The following MCF2L variants were observed in gnomAD, a reference collection of about 807,000 sequenced individuals.
The protein encoded by MCF2L is MCF.2 cell line derived transforming sequence like, also known as guanine nucleotide exchange factor DBS.
MCF2L carries 97 observed loss-of-function variants against 153.4 expected under a neutral mutation model. That is an observed-to-expected ratio of 0.63 (90% CI 0.54 to 0.75). The LOEUF (loss-of-function observed/expected upper bound fraction) is 0.75, where lower values mean the gene tolerates loss of function less well. Among genes scored for constraint, MCF2L ranks in the 30% least tolerant of loss-of-function variants. The probability of loss-of-function intolerance (pLI) is 0.00; values close to 1 mark genes in which losing one functional copy is unlikely to be tolerated. For missense variants in MCF2L, 1,347 were observed against 1,495.2 expected (o/e 0.90, Z 1.64); for synonymous variants, 659 against 632.2 (o/e 1.04, Z -0.64).
At chr13:113,063,805 C>A (rs1013226133) in intron 5 of MCF2L, 2 of 438,898 alleles carry the variant, frequency 4.6e-6, no homozygotes, top group Non-Finnish European at 9.2e-6. Context: ...CGGACACACA[C>A]GTGTCAACAA....
intron 2 of MCF2L, among the ~76,000 whole-genome samples, chr13:112,906,155 G>C (rs1373504251): frequency 6.6e-6 from 1 of 152,118 alleles, no homozygotes; most frequent in African/African-American, 2.4e-5. Flanking sequence ...TTTCCTTCAG[G>C]CTTCTTCATT....
intron 2 of MCF2L, among the ~76,000 whole-genome samples, chr13:112,949,127 A>G (rs756133980): frequency 6.6e-6 from 1 of 152,284 alleles, no homozygotes; most frequent in Non-Finnish European, 1.5e-5. Flanking sequence ...ACAACTGTAT[A>G]CACATTAATT....
intron 2 of MCF2L, among the ~76,000 whole-genome samples, chr13:112,940,829 C>A (rs896298199): frequency 3.3e-5 from 5 of 152,124 alleles, no homozygotes; most frequent in African/African-American, 1.2e-4. Context: ...AAAATCACAT[C>A]TTCATGGGCT....
chr13:113,050,973 C>G (rs922606642), intron 4 of MCF2L, among the ~76,000 whole-genome samples: 1 of 151,920 alleles, frequency 6.6e-6, no homozygotes, highest in African/African-American at 2.4e-5. Context: ...GAGGCGAGAC[C>G]GTCCCCCAGG....
intron 2 of MCF2L, among the ~76,000 whole-genome samples, chr13:112,952,422 A>G (rs2081704540): frequency 6.6e-6 from 1 of 152,174 alleles, no homozygotes; most frequent in South Asian, 2.1e-4. Context: ...GCTGCATCAC[A>G]GTTTCCTGCC....
rs1321701014 is a variant in MCF2L at position 113,097,503 on chromosome 13, C to A, written c.*644C>A. On this transcript the variant is annotated 3_prime_UTR_variant, in exon 30 of 30. Coordinates refer to ENST00000535094, the MANE Select transcript of MCF2L (RefSeq NM_001112732.3). The stretch of plus-strand genomic sequence containing the variant: ...AAACGGATGGCACTCCCTGAAGCTC[C>A]CTGGTCACAGGTGGATGAAAACGTG... 6.6e-6 allele frequency: 1 copy of A among 152,134 alleles called. No homozygotes were observed. Among genetic ancestry groups the A allele is most frequent in the Non-Finnish European group, 1.5e-5 (1 of 68,030 alleles). The allele number at this position is 152,134 out of a possible 1,614,324, so 9.4% of individuals were successfully genotyped here.
chr13:112,921,194 C>CA (rs2081349706), intron 2 of MCF2L, among the ~76,000 whole-genome samples: 1 of 151,846 alleles, frequency 6.6e-6, no homozygotes, highest in African/African-American at 2.4e-5. Context: ...AAAAACAAAA[C>CA]AAAACAGAAC....
intron 7 of MCF2L, 59 bp downstream of exon 7, chr13:113,065,144 G>A (rs752408020): frequency 4.3e-5 from 69 of 1,595,176 alleles, no homozygotes; most frequent in South Asian, 2.1e-4. Context: ...CAGAAGCTGC[G>A]CGGGGCTCCG....
At chr13:113,050,049 T>TCC (rs201876982) in intron 4 of MCF2L, among the ~76,000 whole-genome samples, 1 of 115,600 alleles carries the variant, frequency 8.7e-6, no homozygotes, top group Non-Finnish European at 1.9e-5. Context: ...CTCTGAGAAC[T>TCC]CACGTCTCTT....
intron 1 of MCF2L, among the ~76,000 whole-genome samples, chr13:112,901,627 G>A (rs1223215452): frequency 1.3e-5 from 2 of 152,168 alleles, no homozygotes; most frequent in Non-Finnish European, 2.9e-5. Flanking sequence ...GGCTTCGGTT[G>A]GAAATGCAGC....
Position 113,078,374 on chromosome 13 carries a change from G to A in MCF2L, c.1672G>A (p.Gly558Ser), listed in dbSNP as rs2033733027. 4 of 1,613,392 alleles carry A rather than the reference G, an allele frequency of 2.5e-6. No individual in the cohort carries two copies. The highest frequency in any genetic ancestry group is 3.4e-6 in the Non-Finnish European group (4 of 1,179,928). ...SPCPSPGIRR[G>S]SENSSSEGGA... ...CTTCTTCCCAACAGGCATTCGGCGA[G>A]GCTCTGAGAACTCCAGCTCCGAGGG... is the stretch of plus-strand genomic sequence containing the variant. The change falls in exon 14 of 30, where the codon GGC (glycine) becomes AGC (serine). Residue 558 changes from glycine to serine, a missense_variant. Physicochemically the swap from Gly to Ser is moderately conservative, Grantham distance 56. Transcript: ENST00000535094.
chr13:112,915,408 C>CAAAAAAAAAAAAAAAAAAAA (rs1430821011), intron 2 of MCF2L, among the ~76,000 whole-genome samples: 1 of 6,430 alleles, frequency 1.6e-4, no homozygotes, highest in Non-Finnish European at 3.2e-4. Flanking sequence ...GACTCTGTCT[C>CAAAAAAAAAAAAAAAAAAAA]ACAAAAAAAA....
intron 5 of MCF2L, among the ~76,000 whole-genome samples, chr13:113,061,866 T>TC (rs1328329683): frequency 6.7e-4 from 17 of 25,534 alleles, no homozygotes; most frequent in African/African-American, 2.9e-3. Context: ...TCCCCTCTTT[T>TC]CCCCCTCCCC....
rs1447854374 is a variant in MCF2L at position 113,033,266 on chromosome 13, G to A, written c.278+8508G>A. On this transcript the variant is annotated intron_variant, in intron 3 of 29. Transcript: ENST00000535094. ...GGCCCCCGTGACATTAGTGGACCCC[G>A]TGGCGTGAGTGGCCCCTGTGACATT... Among the ~76,000 whole-genome samples the A allele has an allele frequency of 4.1e-5, 3 of 73,086 alleles. 1 individual carries two copies. Among genetic ancestry groups the A allele is most frequent in the South Asian group, 9.8e-4 (2 of 2,036 alleles). The allele number at this position is 73,086 out of a possible 152,430, so 47.9% of individuals were successfully genotyped here.
chr13:113,006,999 C>T (rs1323495424), intron 1 of MCF2L, among the ~76,000 whole-genome samples: 2 of 152,182 alleles, frequency 1.3e-5, no homozygotes, highest in Non-Finnish European at 1.5e-5. Flanking sequence ...GGTCTCTGAA[C>T]TCTGGAAGGA....
At chr13:113,096,699 C>T (rs758854751) in intron 29 of MCF2L, 46 bp downstream of exon 29, 3 of 1,556,442 alleles carry the variant, frequency 1.9e-6, no homozygotes, top group Non-Finnish European at 2.6e-6. Context: ...TGCCAAGGGC[C>T]CGGGCGAGGA....
chr13:113,057,786 G>A (rs1419668847), intron 4 of MCF2L, among the ~76,000 whole-genome samples: 1 of 149,276 alleles, frequency 6.7e-6, no homozygotes, highest in Non-Finnish European at 1.5e-5. Context: ...TTTAGTAGCT[G>A]CGTGTTTGCT....
intron 15 of MCF2L, 70 bp from the exon 16 acceptor site, chr13:113,081,143 G>T: frequency 7.5e-7 from 1 of 1,330,908 alleles, no homozygotes; most frequent in South Asian, 1.4e-5. Flanking sequence ...GCACCTGTGA[G>T]ACTGTGGAGC....
At chr13:113,082,703 A>C (rs1221054563) in intron 17 of MCF2L, among the ~76,000 whole-genome samples, 161 bp downstream of exon 17, 1 of 152,180 alleles carries the variant, frequency 6.6e-6, no homozygotes, top group Non-Finnish European at 1.5e-5. Context: ...GTGTGGGTAC[A>C]TGGGGCCATC....
Sources: gnomAD v4.1 joint callset for allele counts (sites outside exome capture counted in the v4.1 genomes callset) on GRCh38, gnomAD v4.1.1 for gene constraint, MANE v1.5 for transcripts, NCBI Gene and HGNC (gene_info 2026-07-23, HGNC 2026-07-21) for gene names.